BAIAP2: variants seen among roughly 807,000 people sequenced by gnomAD.
The protein encoded by BAIAP2 is BAR/IMD domain containing adaptor protein 2.
Under a neutral mutation model 63.0 loss-of-function variants are expected in BAIAP2, and 18 were observed. The observed-to-expected ratio is 0.29, with a 90% CI of 0.20 to 0.42. The LOEUF (loss-of-function observed/expected upper bound fraction) is 0.42, where lower values mean the gene tolerates loss of function less well. Ranked by LOEUF, BAIAP2 falls within the 10% of genes least tolerant of loss-of-function variation. The pLI is 1.00. For synonymous variants in BAIAP2, 386 were observed against 307.6 expected (o/e 1.25, Z -2.67); for missense variants, 610 against 734.3 (o/e 0.83, Z 1.96).
chr17:81,070,938 A>G (rs1484060308), intron 3 of BAIAP2, among the ~76,000 whole-genome samples: 1 of 152,134 alleles, frequency 6.6e-6, no homozygotes, highest in Non-Finnish European at 1.5e-5. Context: ...TGGATGACAG[A>G]AGGCAGCCTC....
At chr17:81,091,449 A>C (rs1199119633) in intron 6 of BAIAP2, among the ~76,000 whole-genome samples, 1 of 152,014 alleles carries the variant, frequency 6.6e-6, no homozygotes, top group East Asian at 1.9e-4. Context: ...GGGGGTGTCT[A>C]CGCAGAGAGT....
intron 1 of BAIAP2, among the ~76,000 whole-genome samples, chr17:81,039,462 C>T (rs190885724): frequency 3.3e-5 from 5 of 152,346 alleles, no homozygotes; most frequent in Admixed American, 2.6e-4. Context: ...TGTGGCCAGG[C>T]GTTCTGGGAT....
At chr17:81,061,738 T>A (rs1226980839) in intron 3 of BAIAP2, among the ~76,000 whole-genome samples, 1 of 152,198 alleles carries the variant, frequency 6.6e-6, no homozygotes, top group Non-Finnish European at 1.5e-5. Flanking sequence ...AATTAACTGA[T>A]GTTGTGGAGC....
At chr17:81,087,877 C>T (rs1466769097) in intron 6 of BAIAP2, 2 of 152,024 alleles carry the variant, frequency 1.3e-5, no homozygotes, top group Non-Finnish European at 2.9e-5. Flanking sequence ...TTGATCCTTT[C>T]CGTTTTGCAC....
At chr17:81,062,932 C>T (rs2050835142) in intron 3 of BAIAP2, among the ~76,000 whole-genome samples, 1 of 150,122 alleles carries the variant, frequency 6.7e-6, no homozygotes, top group Non-Finnish European at 1.5e-5. Flanking sequence ...CCCCCCGCCG[C>T]CCCCACCAGC....
intron 1 of BAIAP2, among the ~76,000 whole-genome samples, chr17:81,052,699 G>A (rs963797464): frequency 6.6e-6 from 1 of 152,144 alleles, no homozygotes; most frequent in Non-Finnish European, 1.5e-5. Context: ...TCTTGGCTTC[G>A]GAGGCTGAGG....
At chr17:81,110,978 T>C in intron 13 of BAIAP2, 1 of 1,613,710 alleles carries the variant, frequency 6.2e-7, no homozygotes, top group Admixed American at 1.7e-5. Flanking sequence ...CCTGGCGTTC[T>C]CGTGCAGTCA....
At chr17:81,079,919 C>A (rs749013547) in intron 3 of BAIAP2, among the ~76,000 whole-genome samples, 1 of 152,112 alleles carries the variant, frequency 6.6e-6, no homozygotes, top group Non-Finnish European at 1.5e-5. Flanking sequence ...TAAGTCTGCC[C>A]GCCGCATGGG....
In BAIAP2 at chr17:81,103,731, T is replaced by G; in HGVS notation, c.864+8T>G. 1.3e-6 allele frequency: 2 copies of G among 1,582,646 alleles called. No individual in the cohort carries two copies. The highest frequency in any genetic ancestry group is 1.1e-5 in the South Asian group (1 of 89,908). ...CTGGCACCGTTCGTGGGGGTGAGTC[T>G]GTGGCCTCTGGAAAGCTTCACGGGT... On this transcript the variant is annotated splice_region_variant and intron_variant, in intron 8 of 13. Coordinates refer to ENST00000428708, the MANE Select transcript of BAIAP2 (RefSeq NM_001144888.2).
In BAIAP2 at chr17:81,116,894, G is replaced by C. The variant is rs1300472768; in HGVS notation, c.*1055G>C. 1 of 155,406 alleles carries C rather than the reference G, an allele frequency of 6.4e-6. No individual in the cohort carries two copies. Among genetic ancestry groups the C allele is most frequent in the East Asian group, 1.9e-4 (1 of 5,318 alleles). 9.6% of individuals were successfully genotyped at this position (155,406 alleles called of 1,614,324 possible). On this transcript the variant is annotated 3_prime_UTR_variant, in exon 14 of 14. Transcript: ENST00000428708. ...AGCTGTAGAGTTGGCGGGCCAGGAG[G>C]GCAGTTGAGAGCTGGCCAGCGGAGG...
chr17:81,069,992 C>G (rs933606696), intron 3 of BAIAP2, among the ~76,000 whole-genome samples: 5 of 152,212 alleles, frequency 3.3e-5, no homozygotes, highest in Admixed American at 2.6e-4. Flanking sequence ...GACAGAGTCT[C>G]ACTCTGTCAC....
intron 3 of BAIAP2, among the ~76,000 whole-genome samples, chr17:81,059,775 T>C (rs1236634320): frequency 6.6e-6 from 1 of 152,196 alleles, no homozygotes; most frequent in African/African-American, 2.4e-5. Flanking sequence ...CTTACCATAA[T>C]TAACCAGGTG....
rs115006321 is a variant in BAIAP2 at position 81,074,800 on chromosome 17, G to A, written c.218-10032G>A. ...TGCCTGTGTGTCTGTGTGCATGTACGGATGCGTGTGAGTGCATGTGGGTGT... is the reference window on the plus strand; with the variant it reads ...TGCCTGTGTGTCTGTGTGCATGTACAGATGCGTGTGAGTGCATGTGGGTGT... On this transcript the variant is annotated intron_variant, in intron 3 of 13. Transcript: ENST00000428708. 2.3e-3 allele frequency among the ~76,000 whole-genome samples: 354 copies of A among 152,314 alleles called. 2 individuals carry two copies. The highest frequency in any genetic ancestry group is 7.4e-3 in the African/African-American group (308 of 41,566).
At chr17:81,096,938 GGTGGAGGAGAAAGTA>G (rs1343619704) in intron 6 of BAIAP2, among the ~76,000 whole-genome samples, 2 of 152,232 alleles carry the variant, frequency 1.3e-5, no homozygotes, top group Non-Finnish European at 2.9e-5. Context: ...AGGAGGAGGA[GGTGGAGGAGAAAGTA>G]GAGGAGGAGA....
intron 6 of BAIAP2, among the ~76,000 whole-genome samples, chr17:81,092,355 C>T (rs892947417): frequency 3.3e-5 from 5 of 152,226 alleles, no homozygotes; most frequent in African/African-American, 1.2e-4. Flanking sequence ...GTGGCAGCGG[C>T]CAGGCCTTCA....
intron 3 of BAIAP2, among the ~76,000 whole-genome samples, chr17:81,081,933 G>A (rs2054681754): frequency 6.6e-6 from 1 of 152,150 alleles, no homozygotes; most frequent in African/African-American, 2.4e-5. Flanking sequence ...TTCCAGGCAG[G>A]GGCAGGCCCC....
chr17:81,066,756 T>C (rs942433802), intron 3 of BAIAP2, among the ~76,000 whole-genome samples: 2 of 152,212 alleles, frequency 1.3e-5, no homozygotes, highest in South Asian at 4.1e-4. Flanking sequence ...TCCTGCTCTC[T>C]GTGAGGCCAG....
At chr17:81,084,540 G>A (rs2055225674) in intron 3 of BAIAP2, among the ~76,000 whole-genome samples, 1 of 152,154 alleles carries the variant, frequency 6.6e-6, no homozygotes, top group Admixed American at 6.5e-5. Context: ...TCACGCCTGG[G>A]GTGAAGCACA....
rs1568089763 is a variant in BAIAP2 at position 81,057,980 on chromosome 17, C to CG, written c.217+13_217+14insG. 2.6e-6 allele frequency: 3 copies of CG among 1,167,642 alleles called. 1 individual carries two copies. The South Asian group carries it at 4.9e-5, about 19-fold the overall frequency. The allele number at this position is 1,167,642 out of a possible 1,614,324, so 72.3% of individuals were successfully genotyped here. A position where few individuals can be genotyped will look rare whatever the true frequency, so the allele number is the denominator to read the frequency against. On this transcript the variant is annotated intron_variant, in intron 3 of 13. Coordinates refer to ENST00000428708, the MANE Select transcript of BAIAP2 (RefSeq NM_001144888.2). Reference sequence around the variant, plus strand: ...TCCAAAGAACTCGGTGAGACCCCCCCCCCCCCCCCGCCTGGTAGTCGCCTG... The same window carrying CG: ...TCCAAAGAACTCGGTGAGACCCCCCCGCCCCCCCCCGCCTGGTAGTCGCCTG...
Sources: allele counts gnomAD v4.1 joint callset (sites outside exome capture counted in the v4.1 genomes callset), GRCh38; gene constraint gnomAD v4.1.1; transcripts MANE v1.5; gene names NCBI Gene and HGNC (gene_info 2026-07-23, HGNC 2026-07-21).